PCDH9: variants seen among roughly 807,000 people sequenced by gnomAD.
The protein encoded by PCDH9 is protocadherin 9.
A neutral mutation model predicts 70.6 loss-of-function variants in PCDH9; 24 were observed. The ratio of observed to expected loss-of-function variants is 0.34; its 90% CI spans 0.25 to 0.48. The LOEUF (loss-of-function observed/expected upper bound fraction) is 0.48, where lower values mean the gene tolerates loss of function less well. PCDH9 is among the 20% of genes least tolerant of loss of function. The probability of loss-of-function intolerance (pLI) is 0.99; values close to 1 mark genes in which losing one functional copy is unlikely to be tolerated. For synonymous variants in PCDH9, 562 were observed against 558.5 expected (o/e 1.01, Z -0.09); for missense variants, 1,281 against 1,503.6 (o/e 0.85, Z 2.45).
chr13:66,958,675 T>C (rs1258917625), intron 2 of PCDH9, among the ~76,000 whole-genome samples: 3 of 152,194 alleles, frequency 2.0e-5, no homozygotes, highest in Non-Finnish European at 4.4e-5. Context: ...GTTTTTGTTC[T>C]TTTATTTTTT....
Position 67,089,190 on chromosome 13 carries a change from G to A in PCDH9, c.3036+136215C>T, listed in dbSNP as rs556159309. Among the ~76,000 whole-genome samples, 4 of 152,128 alleles carry A rather than the reference G, an allele frequency of 2.6e-5. No homozygotes were observed. The East Asian group carries it at 7.7e-4, about 29-fold the overall frequency. On this transcript the variant is annotated intron_variant, in intron 2 of 4. Transcript: ENST00000377865. The stretch of plus-strand genomic sequence containing the variant: ...ATATCATTAACAATAAAAAGAAATA[G>A]TGTGTAGGGGATGTTTAATTAGAGA...
At chr13:67,072,846 ATGTATTACAT>A (rs2085794944) in intron 2 of PCDH9, among the ~76,000 whole-genome samples, 1 of 152,190 alleles carries the variant, frequency 6.6e-6, no homozygotes, top group South Asian at 2.1e-4. Context: ...TCTCAGATAT[ATGTATTACAT>A]TAGAAATATC....
chr13:66,808,983 T>C (rs1051860691), intron 3 of PCDH9, among the ~76,000 whole-genome samples: 4 of 152,218 alleles, frequency 2.6e-5, no homozygotes, highest in Non-Finnish European at 5.9e-5. Flanking sequence ...AGTCTTGCTC[T>C]GTCACCCACG....
At chr13:66,309,741 A>G (rs959970004) in intron 4 of PCDH9, among the ~76,000 whole-genome samples, 45 of 151,836 alleles carry the variant, frequency 3.0e-4, no homozygotes, top group African/African-American at 1.1e-3. Flanking sequence ...ATTAAAACCT[A>G]ACATTCATCA....
chr13:66,345,431 C>T (rs893528626), intron 4 of PCDH9, among the ~76,000 whole-genome samples: 1 of 152,034 alleles, frequency 6.6e-6, no homozygotes, highest in Non-Finnish European at 1.5e-5. Flanking sequence ...TAAACCAAGT[C>T]CTGTCCCTTT....
At chr13:67,086,038 A>G (rs2086101225) in intron 2 of PCDH9, among the ~76,000 whole-genome samples, 1 of 152,180 alleles carries the variant, frequency 6.6e-6, no homozygotes, top group Non-Finnish European at 1.5e-5. Context: ...GAAAATATTA[A>G]TGCTCTATTG....
chr13:67,149,989 G>C (rs1267252344), intron 2 of PCDH9, among the ~76,000 whole-genome samples: 1 of 152,052 alleles, frequency 6.6e-6, no homozygotes, highest in South Asian at 2.1e-4. Context: ...GTCATATGTA[G>C]GCAAGAATAT....
At chr13:66,879,723 A>G (rs1009106041) in intron 3 of PCDH9, among the ~76,000 whole-genome samples, 8 of 152,194 alleles carry the variant, frequency 5.3e-5, no homozygotes, top group African/African-American at 1.7e-4. Flanking sequence ...CCAGATGTAG[A>G]GATATGAAAA....
chr13:66,576,853 T>C (rs533290734), intron 4 of PCDH9, among the ~76,000 whole-genome samples: 10 of 152,136 alleles, frequency 6.6e-5, no homozygotes, highest in African/African-American at 2.4e-4. Context: ...TAAAAACAGG[T>C]ACAACTCATC....
At chr13:66,873,625 T>A (rs531225800) in intron 3 of PCDH9, among the ~76,000 whole-genome samples, 1 of 152,260 alleles carries the variant, frequency 6.6e-6, no homozygotes, top group South Asian at 2.1e-4. Flanking sequence ...CTCAAGATGA[T>A]CTTTTTAATA....
intron 4 of PCDH9, 41 bp from the exon 5 acceptor site, chr13:66,305,069 T>C (rs1469735950): frequency 6.6e-7 from 1 of 1,520,152 alleles, no homozygotes; most frequent in Non-Finnish European, 8.8e-7. Flanking sequence ...AAGGAAGTGG[T>C]TAAAATTTTC....
At chr13:66,644,341 TA>T (rs11332865) in intron 3 of PCDH9, among the ~76,000 whole-genome samples, 143,801 of 151,926 alleles carry the variant, frequency 0.95, 68,600 homozygotes, top group East Asian at 1. Flanking sequence ...TGCAAAATGT[TA>T]AATCGTAGGG....
chr13:67,102,020 A>T (rs2086445749), intron 2 of PCDH9, among the ~76,000 whole-genome samples: 2 of 152,166 alleles, frequency 1.3e-5, no homozygotes, highest in Non-Finnish European at 2.9e-5. Context: ...CCTAGTATTT[A>T]TAGGAGTTTT....
intron 2 of PCDH9, among the ~76,000 whole-genome samples, chr13:67,054,701 T>C (rs2085385473): frequency 6.6e-6 from 1 of 152,200 alleles, no homozygotes; most frequent in Non-Finnish European, 1.5e-5. Context: ...TTGAGATTGA[T>C]TATAATCTGT....
At chr13:66,761,149 C>G (rs1468911757) in intron 3 of PCDH9, among the ~76,000 whole-genome samples, 1 of 142,668 alleles carries the variant, frequency 7.0e-6, no homozygotes, top group African/African-American at 2.6e-5. Flanking sequence ...CGTACACTCC[C>G]TCCCCTTTGA....
At chr13:66,758,577 GTCT>G (rs760474219) in intron 3 of PCDH9, among the ~76,000 whole-genome samples, 6 of 151,870 alleles carry the variant, frequency 4.0e-5, no homozygotes, top group Non-Finnish European at 2.9e-5. Context: ...TTAACAAGTG[GTCT>G]TCTTTTTTGG....
intron 4 of PCDH9, among the ~76,000 whole-genome samples, chr13:66,333,453 G>A (rs1294181455): frequency 6.6e-6 from 1 of 152,160 alleles, no homozygotes; most frequent in Non-Finnish European, 1.5e-5. Context: ...TTGACAACAT[G>A]CTTTCTTCTC....
chr13:66,409,446 A>T (rs989031693), intron 4 of PCDH9, among the ~76,000 whole-genome samples: 1 of 151,960 alleles, frequency 6.6e-6, no homozygotes, highest in Non-Finnish European at 1.5e-5. Context: ...AAGGTAGCAA[A>T]CTCTATACCT....
chr13:66,423,456 A>G (rs1255004997), intron 4 of PCDH9, among the ~76,000 whole-genome samples: 1 of 152,174 alleles, frequency 6.6e-6, no homozygotes, highest in Non-Finnish European at 1.5e-5. Flanking sequence ...CGAATCCAGC[A>G]GCATATTAAA....
Sources: allele counts gnomAD v4.1 joint callset (sites outside exome capture counted in the v4.1 genomes callset), GRCh38; gene constraint gnomAD v4.1.1; transcripts MANE v1.5; gene names NCBI Gene and HGNC (gene_info 2026-07-23, HGNC 2026-07-21).